The following THSD4 variants were observed in gnomAD, a reference collection of about 807,000 sequenced individuals.
THSD4 encodes thrombospondin type-1 domain-containing protein 4.
In THSD4, 69 loss-of-function variants were observed where a neutral mutation model predicts 119.0. The observed-to-expected ratio is 0.58, with a 90% CI of 0.48 to 0.71. The LOEUF is 0.71. Among genes scored for constraint, THSD4 ranks in the 30% least tolerant of loss-of-function variants. The pLI is 0.00. For missense variants in THSD4, 1,393 were observed against 1,391.1 expected, an observed-to-expected ratio of 1.00 and a Z score of -0.02; for synonymous variants, 524 against 540.4, an observed-to-expected ratio of 0.97 and a Z score of 0.42.
At chr15:71,137,248 C>G (rs1168234616) in intron 1 of THSD4, among the ~76,000 whole-genome samples, 1 of 152,168 alleles carries the variant, frequency 6.6e-6, no homozygotes, top group Non-Finnish European at 1.5e-5. Flanking sequence ...CCTTGCCAGA[C>G]GGATATTTGG....
chr15:71,478,673 G>A (rs2047683864), intron 7 of THSD4, among the ~76,000 whole-genome samples: 1 of 152,256 alleles, frequency 6.6e-6, no homozygotes, highest in South Asian at 2.1e-4. Context: ...CTTCTATGTG[G>A]CCTAAAACAC....
chr15:71,227,864 A>G (rs1398051317), intron 4 of THSD4, among the ~76,000 whole-genome samples: 4 of 152,216 alleles, frequency 2.6e-5, no homozygotes, highest in Admixed American at 6.5e-5. Flanking sequence ...AAGTGCTCAC[A>G]TCCCTCAAGG....
At chr15:71,566,898 G>C (rs1227823659) in intron 7 of THSD4, among the ~76,000 whole-genome samples, 1 of 150,628 alleles carries the variant, frequency 6.6e-6, no homozygotes, top group South Asian at 2.1e-4. Context: ...AGAGAGTACT[G>C]TCATTTTTTT....
intron 6 of THSD4, among the ~76,000 whole-genome samples, chr15:71,271,315 A>G (rs1197498867): frequency 6.6e-6 from 1 of 152,226 alleles, no homozygotes; most frequent in Non-Finnish European, 1.5e-5. Context: ...CTACTGACAC[A>G]TGTAAAATCC....
intron 6 of THSD4, among the ~76,000 whole-genome samples, chr15:71,266,518 A>G (rs1488557425): frequency 2.0e-5 from 3 of 152,144 alleles, no homozygotes; most frequent in African/African-American, 7.2e-5. Flanking sequence ...TCAGTGCAAA[A>G]AGGCTGAAAA....
At chr15:71,219,083 A>G (rs553773790) in intron 4 of THSD4, among the ~76,000 whole-genome samples, 3 of 152,254 alleles carry the variant, frequency 2.0e-5, no homozygotes, top group Non-Finnish European at 2.9e-5. Flanking sequence ...AGTTTATGTA[A>G]TAACACACGT....
chr15:71,408,994 C>G (rs1475489374), intron 6 of THSD4, among the ~76,000 whole-genome samples: 1 of 152,146 alleles, frequency 6.6e-6, no homozygotes, highest in Non-Finnish European at 1.5e-5. Context: ...CCCTTGTCCT[C>G]AGGTTTATTT....
At chr15:71,451,917 G>A (rs2047270795) in intron 7 of THSD4, among the ~76,000 whole-genome samples, 1 of 152,148 alleles carries the variant, frequency 6.6e-6, no homozygotes, top group Non-Finnish European at 1.5e-5. Flanking sequence ...TGGTCTCTGG[G>A]ACCTATGTCC....
intron 6 of THSD4, among the ~76,000 whole-genome samples, chr15:71,326,700 A>AAATATATATATATAT (rs1555464320): frequency 3.1e-4 from 2 of 6,456 alleles, no homozygotes. Flanking sequence ...AAAAAAAAAA[A>AAATATATATATATAT]ATATATATAT....
intron 8 of THSD4, among the ~76,000 whole-genome samples, chr15:71,669,504 T>C (rs975144105): frequency 2.6e-5 from 4 of 152,208 alleles, no homozygotes; most frequent in Non-Finnish European, 5.9e-5. Flanking sequence ...CTGTCCTTTT[T>C]TTTTGTGGCT....
intron 3 of THSD4, among the ~76,000 whole-genome samples, chr15:71,158,819 A>G (rs929187273): frequency 6.6e-6 from 1 of 152,160 alleles, no homozygotes; most frequent in South Asian, 2.1e-4. Flanking sequence ...GCTGTGCAGA[A>G]GCAAAGTTTG....
intron 7 of THSD4, among the ~76,000 whole-genome samples, chr15:71,624,821 T>C (rs1163015960): frequency 1.3e-5 from 2 of 152,222 alleles, no homozygotes; most frequent in Non-Finnish European, 2.9e-5. Context: ...AAAGATGTCC[T>C]GTGCTAGGAT....
chr15:71,431,252 T>G (rs1368308708), intron 7 of THSD4, among the ~76,000 whole-genome samples: 2 of 152,180 alleles, frequency 1.3e-5, no homozygotes, highest in East Asian at 3.9e-4. Context: ...CCCATGTAAT[T>G]CTTATTCTGC....
chr15:71,279,496 C>T (rs113606853), intron 6 of THSD4, among the ~76,000 whole-genome samples: 1,715 of 152,304 alleles, frequency 0.011, 51 homozygotes, highest in Admixed American at 0.058. Flanking sequence ...TCTTAGGATG[C>T]GAAGGAGTAG....
chr15:71,492,486 C>G (rs2047935993), intron 7 of THSD4, among the ~76,000 whole-genome samples: 1 of 151,990 alleles, frequency 6.6e-6, no homozygotes, highest in Non-Finnish European at 1.5e-5. Flanking sequence ...GGAGTTTCAC[C>G]AAGTTGGCCA....
In THSD4 at chr15:71,594,533, C is replaced by T. The variant is rs1020535705; in HGVS notation, c.1153-65997C>T. Among the ~76,000 whole-genome samples the T allele has an allele frequency of 2.0e-5, 3 of 152,050 alleles. No homozygotes were observed. The South Asian group carries it at 6.2e-4, about 32-fold the overall frequency. ...TGCCTGAGCTCCAGAGTATCCAGCC[C>T]GACCCAGGTGTGCCCAAATGATCCA... On this transcript the variant is annotated intron_variant, in intron 7 of 17. Transcript: ENST00000261862.
chr15:71,103,317 G>T (rs1411190291), intron 1 of THSD4, among the ~76,000 whole-genome samples: 1 of 152,176 alleles, frequency 6.6e-6, no homozygotes, highest in Non-Finnish European at 1.5e-5. Context: ...CTGGACTGGG[G>T]TCTACCTTGC....
intron 7 of THSD4, among the ~76,000 whole-genome samples, chr15:71,598,183 G>C (rs1212158615): frequency 6.6e-6 from 1 of 152,190 alleles, no homozygotes; most frequent in Non-Finnish European, 1.5e-5. Flanking sequence ...GTTAGACCTT[G>C]AAAGACTGCT....
At chr15:71,700,084 T>G (rs2052253883) in intron 8 of THSD4, among the ~76,000 whole-genome samples, 1 of 152,086 alleles carries the variant, frequency 6.6e-6, no homozygotes, top group Non-Finnish European at 1.5e-5. Flanking sequence ...ACTATGAAGG[T>G]TCCAGCCAAT....
Sources: gnomAD v4.1 joint callset for allele counts (sites outside exome capture counted in the v4.1 genomes callset) on GRCh38, gnomAD v4.1.1 for gene constraint, MANE v1.5 for transcripts, NCBI Gene and HGNC (gene_info 2026-07-23, HGNC 2026-07-21) for gene names.